RNF213: variants seen among roughly 807,000 people sequenced by gnomAD.
RNF213 encodes ring finger protein 213.
In RNF213, 341 loss-of-function variants were observed where a neutral mutation model predicts 514.4. The ratio of observed to expected loss-of-function variants is 0.66; its 90% confidence interval spans 0.61 to 0.73. The LOEUF is 0.73. RNF213 is among the 30% of genes least tolerant of loss of function. The pLI is 0.00. For synonymous variants in RNF213, 2,655 were observed against 2,658.2 expected (o/e 1.00, Z 0.04); for missense variants, 5,767 against 6,615.6 (o/e 0.87, Z 4.45).
chr17:80,361,969 C>T (rs775675019), intron 39 of RNF213, 81 bp downstream of exon 39: 61 of 1,497,270 alleles, frequency 4.1e-5, no homozygotes, highest in Non-Finnish European at 5.4e-5. Context: ...GACGTTTCCT[C>T]AGCTGCCTGG....
rs774323897 is a variant in RNF213, at chr17:80,369,677, T to C, written c.12325+6T>C. 9.3e-6 allele frequency: 15 copies of C among 1,614,210 alleles called. No individual in the cohort carries two copies. The South Asian group carries it at 9.9e-5, about 11-fold the overall frequency. On this transcript the variant is annotated splice_donor_region_variant and intron_variant, in intron 45 of 67. Coordinates refer to ENST00000582970, the MANE Select transcript of RNF213 (RefSeq NM_001256071.3). ...CTTAAGAGATGCTGCCCAGAGTAGG[T>C]TGCTTTCTTCCTGTAAACCTAGCCC...
In RNF213 at chr17:80,360,185, C is replaced by G; in HGVS notation, c.11179C>G (p.Gln3727Glu). 6.2e-7 allele frequency: 1 copy of G among 1,613,516 alleles called. No individual in the cohort carries two copies. Among genetic ancestry groups the G allele is most frequent in the Admixed American group, 1.7e-5 (1 of 59,910 alleles). The part of the protein sequence containing the change: ...DYLEELWVQA[Q>E]YITDAEGLPK... ...TCTGGAGGAGCTGTGGGTCCAGGCT[C>G]AGTACATCACAGACGCAGAAGGTGA... The change falls in exon 38 of 68, where the codon CAG becomes GAG. Residue 3727 changes from glutamine to glutamate, a missense_variant. Physicochemically the swap from Gln to Glu is conservative, Grantham distance 29. This residue lies in a region of RNF213 where 355 missense variants were observed against 358.0 expected (regional missense o/e 0.99). Coordinates refer to ENST00000582970, the MANE Select transcript of RNF213 (RefSeq NM_001256071.3).
At chr17:80,354,276 A>G (rs2078647896) in intron 35 of RNF213, 110 bp downstream of exon 35, 1 of 1,504,724 alleles carries the variant, frequency 6.6e-7, no homozygotes, top group South Asian at 1.1e-5. Flanking sequence ...TCCATGGCTC[A>G]GCAGAAGCAG....
intron 44 of RNF213, 112 bp downstream of exon 44, chr17:80,368,255 C>T: frequency 8.6e-7 from 1 of 1,165,662 alleles, no homozygotes; most frequent in Non-Finnish European, 1.3e-6. Flanking sequence ...GAAAACCTGA[C>T]CTCAGAGAAC....
rs536455383 is a variant in RNF213, at chr17:80,279,970, C to T, written c.261+6566C>T. On this transcript the variant is annotated intron_variant, in intron 3 of 67. Transcript: ENST00000582970. ...CGGCCTCCCTGCCTTCCCCGCACCGCGCTCCCCCCAGCCCCTGCCCATCGA... is the reference window on the plus strand; with the variant it reads ...CGGCCTCCCTGCCTTCCCCGCACCGTGCTCCCCCCAGCCCCTGCCCATCGA... Among the ~76,000 whole-genome samples, 11 of 152,354 alleles carry T rather than the reference C, an allele frequency of 7.2e-5. No homozygotes were observed. In the East Asian group the frequency reaches 9.6e-4, roughly 13 times the overall value.
intron 17 of RNF213, among the ~76,000 whole-genome samples, chr17:80,323,828 T>C (rs866180074): frequency 2.3e-5 from 2 of 87,092 alleles, no homozygotes; most frequent in South Asian, 6.9e-4. Context: ...TCTAAGTACT[T>C]TTTTTTGGGG....
At chr17:80,369,473 C>A in intron 44 of RNF213, 29 bp from the exon 45 acceptor site, 1 of 1,607,670 alleles carries the variant, frequency 6.2e-7, no homozygotes, top group Non-Finnish European at 8.5e-7. Context: ...AAACACCATC[C>A]ACCTGTCTTC....
chr17:80,390,095 G>C lies in RNF213; in HGVS notation c.15369G>C (p.Gln5123His), dbSNP rs767739763. 3.1e-6 allele frequency: 5 copies of C among 1,614,176 alleles called. No homozygotes were observed. Among genetic ancestry groups the C allele is most frequent in the African/African-American group, 2.7e-5 (2 of 75,038 alleles). ...AGCTCCTCAGCACATTCCTAAATCA[G>C]ACTGGCCTAGACGCCTTCCTGCTAG... ...NAKLLSTFLN[Q>H]TGLDAFLLEL... Residue 5123 changes from glutamine to histidine, a missense_variant, in exon 67 of 68, where the codon CAG becomes CAC. By Grantham distance (24) the Gln-to-His change is conservative (BLOSUM62 0). Coordinates refer to ENST00000582970, the MANE Select transcript of RNF213 (RefSeq NM_001256071.3).
rs762501640 is a variant in RNF213, at chr17:80,389,797, C to T, written c.15196-31C>T. The stretch of plus-strand genomic sequence containing the variant: ...CATGAGTGGGGGTGTGAGACCTCAG[C>T]CCCCACTCAGGAATTCTATTCCTTC... On this transcript the variant is annotated intron_variant, in intron 65 of 67. Coordinates refer to ENST00000582970, the MANE Select transcript of RNF213 (RefSeq NM_001256071.3). 1.6e-5 allele frequency: 26 copies of T among 1,588,512 alleles called. No homozygotes were observed. The East Asian group carries it at 3.1e-4, about 19-fold the overall frequency.
rs1000982550 is a variant in RNF213, at chr17:80,395,042, T to C, written c.*1544T>C. 6.6e-6 allele frequency: 1 copy of C among 152,156 alleles called. No individual in the cohort carries two copies. Among genetic ancestry groups the C allele is most frequent in the African/African-American group, 2.4e-5 (1 of 41,436 alleles). The allele number at this position is 152,156 out of a possible 1,614,324, so 9.4% of individuals were successfully genotyped here. On this transcript the variant is annotated 3_prime_UTR_variant, in exon 68 of 68. Transcript: ENST00000582970. ...GGTGGCAGCTCACACCCAGACTCAC[T>C]GGCCACACCTCAGCAGGGGGGGAGT...
chr17:80,284,784 C>T (rs1485019954), intron 3 of RNF213, among the ~76,000 whole-genome samples: 1 of 152,192 alleles, frequency 6.6e-6, no homozygotes, highest in African/African-American at 2.4e-5. Flanking sequence ...CCCCTGTGAT[C>T]CACCTGCTAC....
At chr17:80,310,191 C>T (rs1410016408) in intron 14 of RNF213, among the ~76,000 whole-genome samples, 6 of 152,186 alleles carry the variant, frequency 3.9e-5, no homozygotes, top group Non-Finnish European at 8.8e-5. Flanking sequence ...GTGCAGTTTT[C>T]ACCCACTTGA....
intron 23 of RNF213, among the ~76,000 whole-genome samples, chr17:80,337,269 A>G (rs971633626): frequency 3.4e-4 from 52 of 152,302 alleles, no homozygotes; most frequent in African/African-American, 1.2e-3. Flanking sequence ...TCTGGTAGAG[A>G]GGCAGGCGGG....
At chr17:80,366,458 G>GAAAA (rs1175579892) in intron 42 of RNF213, among the ~76,000 whole-genome samples, 3 of 152,028 alleles carry the variant, frequency 2.0e-5, no homozygotes, top group African/African-American at 7.2e-5. Context: ...ATTCATTGTG[G>GAAAA]TTTTTATTTG....
chr17:80,377,823 T>C lies in RNF213; in HGVS notation c.13545+27T>C. ...TGAGTCTTGGTATTTAAGATAGGGT[T>C]TGAGGGGTGGCGTGCACTCCTGGGT... is the stretch of plus-strand genomic sequence containing the variant. On this transcript the variant is annotated intron_variant, in intron 54 of 67. Coordinates refer to ENST00000582970, the MANE Select transcript of RNF213 (RefSeq NM_001256071.3). The surrounding 1 kb of genome is among the most constrained non-coding windows in gnomAD (Gnocchi z 4.1). 6.2e-7 allele frequency: 1 copy of C among 1,613,854 alleles called. No homozygotes were observed. The highest frequency in any genetic ancestry group is 8.5e-7 in the Non-Finnish European group (1 of 1,179,804).
chr17:80,319,464 A>G (rs981057464), intron 17 of RNF213, 152 bp downstream of exon 17: 10 of 1,614,182 alleles, frequency 6.2e-6, no homozygotes, highest in Admixed American at 3.3e-5. Context: ...GCCAAGGGCA[A>G]TGGCGCTGAA....
intron 28 of RNF213, among the ~76,000 whole-genome samples, chr17:80,344,443 T>G (rs2078247030): frequency 6.6e-6 from 1 of 152,222 alleles, no homozygotes; most frequent in Non-Finnish European, 1.5e-5. Flanking sequence ...AAACTTAGTT[T>G]CAGGAAGTTG....
Position 80,294,828 on chromosome 17 carries a change from A to G in RNF213, c.1580A>G (p.Gln527Arg). 2.5e-6 allele frequency: 4 copies of G among 1,614,224 alleles called. No individual in the cohort carries two copies. Among genetic ancestry groups the G allele is most frequent in the Non-Finnish European group, 3.4e-6 (4 of 1,180,044 alleles). ...AGGAAGGACCTGGTGAAGGGGAAGC[A>G]GATTGCCGCTGCGCTCATGCTGGAC... ...GPRKDLVKGK[Q>R]IAAALMLDST... Residue 527 changes from glutamine (Q) to arginine (R), a missense_variant, in exon 9 of 68, where the codon CAG (glutamine) becomes CGG (arginine). Transcript: ENST00000582970.
chr17:80,377,706 A>G lies in RNF213; in HGVS notation c.13511-56A>G, dbSNP rs62077765. 0.092 allele frequency: 146,700 copies of G among 1,598,034 alleles called. 7,686 individuals carry two copies. The highest frequency in any genetic ancestry group is 0.11 in the Non-Finnish European group (127,590 of 1,165,260). ...GTAGAGAGTTAGCTTTCCCTTTTCA[A>G]TGTGGGTCATTGGGTGAAACCTCAT... On this transcript the variant is annotated intron_variant, in intron 53 of 67. Coordinates refer to ENST00000582970, the MANE Select transcript of RNF213 (RefSeq NM_001256071.3). The surrounding 1 kb of genome is among the most constrained non-coding windows in gnomAD (Gnocchi z 4.1).
Sources: gnomAD v4.1 joint callset for allele counts (sites outside exome capture counted in the v4.1 genomes callset) on GRCh38, gnomAD v4.1.1 for gene constraint, gnomAD v4.1.1 regional missense constraint, Gnocchi (gnomAD v3.1) non-coding constraint, MANE v1.5 for transcripts, NCBI Gene and HGNC (gene_info 2026-07-23, HGNC 2026-07-21) for gene names.